GRIP1: variants seen among roughly 807,000 people sequenced by gnomAD.
GRIP1 encodes the protein glutamate receptor interacting protein 1, also known as glutamate receptor-interacting protein 1.
GRIP1 carries 45 observed loss-of-function variants against 129.9 expected under a neutral mutation model. The ratio of observed to expected loss-of-function variants is 0.35; its 90% CI spans 0.27 to 0.44. The LOEUF is 0.44. Among genes scored for constraint, GRIP1 ranks in the 20% least tolerant of loss-of-function variants. GRIP1 has a pLI of 1.00. For synonymous variants in GRIP1, 530 were observed against 520.8 expected, an observed-to-expected ratio of 1.02 and a Z score of -0.24; for missense variants, 1,196 against 1,396.8, an observed-to-expected ratio of 0.86 and a Z score of 2.29.
chr12:66,747,054 T>C (rs1566000387), intron 1 of GRIP1, among the ~76,000 whole-genome samples: 1 of 152,100 alleles, frequency 6.6e-6, no homozygotes, highest in Non-Finnish European at 1.5e-5. Context: ...CATATTATGA[T>C]AAAAATAGAG....
chr12:66,455,480 C>A lies in GRIP1; in HGVS notation c.1283G>T (p.Ser428Ile). 1 of 1,613,878 alleles carries A rather than the reference C, an allele frequency of 6.2e-7. No individual in the cohort carries two copies. The highest frequency in any genetic ancestry group is 8.5e-7 in the Non-Finnish European group (1 of 1,179,762). ...TCCACGTGGGCTGGTGGAGTAGAGG[C>A]TTCGAGGTAGAGTCCCCATGTTCAG... ...SSLNMGTLPRSLYSTSPRGTM... is the reference protein window; with the variant it reads ...SSLNMGTLPRILYSTSPRGTM... Residue 428 changes from serine to isoleucine, a missense_variant, in exon 11 of 25, where the codon AGC becomes ATC. This residue lies in a region of GRIP1 where 508 missense variants were observed against 587.0 expected (regional missense o/e 0.87). Coordinates refer to ENST00000359742, the MANE Select transcript of GRIP1 (RefSeq NM_001366722.1).
chr12:66,806,444 C>T (rs986853468), upstream of GRIP1, among the ~76,000 whole-genome samples: 15 of 152,026 alleles, frequency 9.9e-5, no homozygotes, highest in African/African-American at 3.6e-4. Flanking sequence ...GTATATGTGT[C>T]CCCCAGAGAT....
intron 1 of GRIP1, among the ~76,000 whole-genome samples, chr12:66,785,627 T>A (rs1592843872): frequency 2.6e-5 from 4 of 152,152 alleles, no homozygotes; most frequent in Admixed American, 2.6e-4. Flanking sequence ...TGTAGTAAAG[T>A]GACCCAATCC....
intron 1 of GRIP1, among the ~76,000 whole-genome samples, chr12:66,633,594 T>C (rs1433434966): frequency 6.6e-6 from 1 of 152,224 alleles, no homozygotes; most frequent in Non-Finnish European, 1.5e-5. Context: ...TTTTTTCTTT[T>C]AGTCAGTAAA....
intron 7 of GRIP1, among the ~76,000 whole-genome samples, chr12:66,503,018 G>GATGGT (rs992106987): frequency 4.6e-5 from 7 of 152,172 alleles, no homozygotes; most frequent in African/African-American, 1.7e-4. Context: ...ATTATCAGGT[G>GATGGT]ATGGTTTGGC....
intron 11 of GRIP1, 104 bp from the exon 12 acceptor site, chr12:66,445,612 T>A: frequency 1.4e-6 from 1 of 732,740 alleles, no homozygotes; most frequent in South Asian, 1.8e-5. Flanking sequence ...TGAATGGCAA[T>A]GGTGGGAGGT....
At chr12:66,754,859 G>A (rs2037237052) in intron 1 of GRIP1, among the ~76,000 whole-genome samples, 1 of 152,098 alleles carries the variant, frequency 6.6e-6, no homozygotes, top group African/African-American at 2.4e-5. Context: ...GAGTCTGCCT[G>A]CTTCATTCTG....
chr12:66,909,706 A>C (rs2040997302), intron 1 of GRIP1, among the ~76,000 whole-genome samples: 1 of 152,188 alleles, frequency 6.6e-6, no homozygotes, highest in Non-Finnish European at 1.5e-5. Flanking sequence ...CAAGGTTTAG[A>C]TGATTTTCTT....
chr12:66,791,186 GA>G (rs2038521613), intron 1 of GRIP1, among the ~76,000 whole-genome samples: 3 of 152,172 alleles, frequency 2.0e-5, no homozygotes, highest in African/African-American at 7.2e-5. Context: ...GTGTTTTGGG[GA>G]CAGGAAAGTA....
intron 2 of GRIP1, among the ~76,000 whole-genome samples, chr12:66,594,067 C>CAAA (rs10661389): frequency 0.012 from 645 of 52,558 alleles, 48 homozygotes; most frequent in African/African-American, 0.043. Flanking sequence ...GACTCCGTCT[C>CAAA]AAAAAAAAAA....
At chr12:66,651,460 T>G (rs1288406794) in intron 1 of GRIP1, among the ~76,000 whole-genome samples, 2 of 152,192 alleles carry the variant, frequency 1.3e-5, no homozygotes, top group African/African-American at 4.8e-5. Context: ...TTTAGCTTTT[T>G]CCCCAGCATT....
intron 1 of GRIP1, among the ~76,000 whole-genome samples, chr12:66,618,542 A>C (rs1260701985): frequency 6.6e-6 from 1 of 152,124 alleles, no homozygotes; most frequent in East Asian, 1.9e-4. Context: ...AAAAGTAAAA[A>C]TAAAGCATGA....
intron 13 of GRIP1, among the ~76,000 whole-genome samples, chr12:66,437,949 G>A (rs2058360028): frequency 6.6e-6 from 1 of 152,118 alleles, no homozygotes; most frequent in African/African-American, 2.4e-5. Flanking sequence ...CCTGCTGTAT[G>A]ACCTTGGGTT....
chr12:66,819,004 C>T (rs2039273609), intron 1 of GRIP1, among the ~76,000 whole-genome samples: 1 of 152,180 alleles, frequency 6.6e-6, no homozygotes. Flanking sequence ...CAAATACTAA[C>T]AATGTACTTA....
At chr12:66,902,908 G>A (rs1490429338) in intron 1 of GRIP1, among the ~76,000 whole-genome samples, 1 of 152,142 alleles carries the variant, frequency 6.6e-6, no homozygotes, top group African/African-American at 2.4e-5. Context: ...TGGAAGTGAG[G>A]TACTAGGGAA....
intron 1 of GRIP1, among the ~76,000 whole-genome samples, chr12:66,713,035 C>G (rs2035761088): frequency 6.6e-6 from 1 of 151,890 alleles, no homozygotes; most frequent in Non-Finnish European, 1.5e-5. Context: ...CTTTCATTAC[C>G]ACTTCTCTTA....
intron 2 of GRIP1, among the ~76,000 whole-genome samples, chr12:66,555,574 G>C (rs536869993): frequency 6.6e-6 from 1 of 152,152 alleles, no homozygotes; most frequent in African/African-American, 2.4e-5. Context: ...ATAACATAAG[G>C]CACCAGGGAC....
intron 7 of GRIP1, among the ~76,000 whole-genome samples, chr12:66,475,168 G>A (rs2138468370): frequency 6.6e-6 from 1 of 152,166 alleles, no homozygotes; most frequent in Non-Finnish European, 1.5e-5. Context: ...AAAAAGGCAG[G>A]GGTTGCAATC....
At chr12:66,696,297 T>C (rs372992171) in intron 1 of GRIP1, among the ~76,000 whole-genome samples, 28 of 152,236 alleles carry the variant, frequency 1.8e-4, no homozygotes, top group African/African-American at 6.0e-4. Flanking sequence ...GCAAGCTCCT[T>C]GTCATTTGAA....
Sources: gnomAD v4.1 joint callset for allele counts (sites outside exome capture counted in the v4.1 genomes callset) on GRCh38, gnomAD v4.1.1 for gene constraint, gnomAD v4.1.1 regional missense constraint, MANE v1.5 for transcripts, NCBI Gene and HGNC (gene_info 2026-07-23, HGNC 2026-07-21) for gene names.